DCAF6: variants seen among roughly 807,000 people sequenced by gnomAD.
DCAF6 encodes DDB1- and CUL4-associated factor 6.
In DCAF6, 54 loss-of-function variants were observed where a neutral mutation model predicts 125.1. That is an observed-to-expected ratio of 0.43 (90% CI 0.35 to 0.54). The LOEUF (loss-of-function observed/expected upper bound fraction) is 0.54, where lower values mean the gene tolerates loss of function less well. DCAF6 is among the 20% of genes least tolerant of loss of function. The pLI, the probability that DCAF6 is intolerant of heterozygous loss-of-function variation, is 0.01. For synonymous variants in DCAF6, 371 were observed against 390.4 expected (o/e 0.95, Z 0.58); for missense variants, 934 against 1,161.7 (o/e 0.80, Z 2.85).
intron 6 of DCAF6, 121 bp from the exon 7 acceptor site, chr1:167,993,105 G>C: frequency 1.1e-6 from 1 of 876,180 alleles, no homozygotes; most frequent in East Asian, 2.7e-5. Flanking sequence ...GGAAATAAAC[G>C]TGATGGCTTT....
chr1:167,990,748 A>G (rs1680709844), intron 5 of DCAF6, among the ~76,000 whole-genome samples: 1 of 152,170 alleles, frequency 6.6e-6, no homozygotes, highest in Non-Finnish European at 1.5e-5. Context: ...TTTCAGTCTT[A>G]TATTTGAAAG....
intron 7 of DCAF6, among the ~76,000 whole-genome samples, chr1:167,995,974 A>T (rs1007288307): frequency 1.3e-5 from 2 of 152,180 alleles, no homozygotes; most frequent in Non-Finnish European, 2.9e-5. Flanking sequence ...AATATGTAAA[A>T]CTTAATATAG....
chr1:168,009,331 TTTCC>T (rs1683848558), intron 10 of DCAF6, among the ~76,000 whole-genome samples: 2 of 147,352 alleles, frequency 1.4e-5, no homozygotes, highest in South Asian at 4.4e-4. Flanking sequence ...TCTCTTCTTC[TTTCC>T]TTCCTTCCTC....
chr1:167,899,602 A>G, the DCAF6 span: 2 of 1,613,956 alleles, frequency 1.2e-6, no homozygotes, highest in Non-Finnish European at 1.7e-6. Flanking sequence ...CCAAAGACCA[A>G]CATGCTGATG....
In DCAF6 at chr1:168,066,268, A is replaced by C. The variant is rs890414805; in HGVS notation, c.2597-109A>C. The C allele has an allele frequency of 2.8e-5, 16 of 577,456 alleles. No homozygotes were observed. In the African/African-American group the frequency reaches 2.9e-4, roughly 10 times the overall value. The allele number at this position is 577,456 out of a possible 1,614,324, so 35.8% of individuals were successfully genotyped here. Reference sequence around the variant, plus strand: ...ATTAACAGTTAAATATATAGTGTACAATTGCTGTTCAAGGTTAGTTTTGCT... The same window carrying C: ...ATTAACAGTTAAATATATAGTGTACCATTGCTGTTCAAGGTTAGTTTTGCT... On this transcript the variant is annotated intron_variant, in intron 19 of 21. Transcript: ENST00000367840.
the DCAF6 span, chr1:167,924,417 T>C: frequency 8.5e-7 from 1 of 1,171,932 alleles, no homozygotes; most frequent in Non-Finnish European, 1.2e-6. Context: ...AGTATATCCT[T>C]CATAAAAGTT....
At chr1:167,875,846 A>AG in the DCAF6 span, among the ~76,000 whole-genome samples, 6 of 152,048 alleles carry the variant, frequency 3.9e-5, no homozygotes, top group East Asian at 1.9e-4. Context: ...CCAGCTACTC[A>AG]GGGGGCTGAG....
At chr1:167,993,878 C>G (rs1465691195) in intron 7 of DCAF6, among the ~76,000 whole-genome samples, 1 of 151,808 alleles carries the variant, frequency 6.6e-6, no homozygotes, top group Admixed American at 6.6e-5. Flanking sequence ...ACTTACAGTT[C>G]AGAAAACAAA....
At chr1:167,948,004 T>C (rs1673330399) in intron 1 of DCAF6, among the ~76,000 whole-genome samples, 1 of 152,162 alleles carries the variant, frequency 6.6e-6, no homozygotes, top group Non-Finnish European at 1.5e-5. Flanking sequence ...GTGTATCTCT[T>C]TCTTTAGGTC....
chr1:167,953,179 CA>C (rs1194115481), intron 2 of DCAF6, among the ~76,000 whole-genome samples: 1 of 151,960 alleles, frequency 6.6e-6, no homozygotes. Context: ...GTTATTTGTT[CA>C]AAAGATGATC....
At chr1:167,984,944 C>T (rs1679732092) in intron 4 of DCAF6, among the ~76,000 whole-genome samples, 1 of 152,168 alleles carries the variant, frequency 6.6e-6, no homozygotes, top group Non-Finnish European at 1.5e-5. Flanking sequence ...GGAGGCCTCA[C>T]AATCATGGTG....
At chr1:167,937,543 A>AGCTCTCCCCACCCCCGCGC (rs1188349654) in intron 1 of DCAF6, among the ~76,000 whole-genome samples, 5 of 151,826 alleles carry the variant, frequency 3.3e-5, no homozygotes, top group Admixed American at 1.3e-4. Flanking sequence ...GTGATAGCTG[A>AGCTCTCCCCACCCCCGCGC]GCTCTCCCCA....
the DCAF6 span, among the ~76,000 whole-genome samples, chr1:167,902,426 T>G: frequency 6.6e-6 from 1 of 152,190 alleles, no homozygotes; most frequent in African/African-American, 2.4e-5. Context: ...CATGGGTGGG[T>G]GGATGAATGA....
At chr1:167,978,161 G>T (rs1427331493) in intron 4 of DCAF6, among the ~76,000 whole-genome samples, 4 of 152,174 alleles carry the variant, frequency 2.6e-5, no homozygotes, top group Non-Finnish European at 5.9e-5. Flanking sequence ...GTTCTATGCT[G>T]TTGGAAGTTT....
chr1:168,028,164 C>G (rs948458850), intron 12 of DCAF6, among the ~76,000 whole-genome samples: 20 of 151,980 alleles, frequency 1.3e-4, no homozygotes, highest in Admixed American at 6.6e-5. Context: ...TTTTATCTCT[C>G]TACTATAAGA....
chr1:167,956,304 T>C (rs1674783361), intron 2 of DCAF6, among the ~76,000 whole-genome samples: 1 of 152,216 alleles, frequency 6.6e-6, no homozygotes, highest in Admixed American at 6.5e-5. Context: ...TTAATATGTG[T>C]GCTTCACTGA....
At chr1:167,874,649 C>CA in the DCAF6 span, among the ~76,000 whole-genome samples, 1 of 152,106 alleles carries the variant, frequency 6.6e-6, no homozygotes. Flanking sequence ...ATGCATTCAC[C>CA]AAAAGACTTG....
chr1:167,980,758 T>C (rs1678983790), intron 4 of DCAF6, among the ~76,000 whole-genome samples: 1 of 152,058 alleles, frequency 6.6e-6, no homozygotes. Context: ...AGATACATGG[T>C]TCACAAATAT....
At chr1:168,009,345 CCCTTCCTTCCTT>C (rs199573600) in intron 10 of DCAF6, among the ~76,000 whole-genome samples, 3,490 of 127,868 alleles carry the variant, frequency 0.027, 82 homozygotes, top group African/African-American at 0.077. Flanking sequence ...CTTCCTTCCT[CCCTTCCTTCCTT>C]CCTTCCTTCC....
Sources: gnomAD v4.1 joint callset for allele counts (sites outside exome capture counted in the v4.1 genomes callset) on GRCh38, gnomAD v4.1.1 for gene constraint, MANE v1.5 for transcripts, NCBI Gene and HGNC (gene_info 2026-07-23, HGNC 2026-07-21) for gene names.